Variants in DCLK2 observed in about 807,000 individuals in gnomAD.
The protein encoded by DCLK2 is serine/threonine-protein kinase DCLK2.
Under a neutral mutation model 78.4 loss-of-function variants are expected in DCLK2, and 31 were observed. The observed-to-expected ratio is 0.40, with a 90% CI of 0.30 to 0.53. DCLK2 has a LOEUF of 0.53. Ranked by LOEUF, DCLK2 falls within the 20% of genes least tolerant of loss-of-function variation. The pLI is 0.61. For synonymous variants in DCLK2, 407 were observed against 374.9 expected, an observed-to-expected ratio of 1.09 and a Z score of -0.99; for missense variants, 872 against 973.7, an observed-to-expected ratio of 0.90 and a Z score of 1.39.
chr4:150,149,245 A>G (rs1734716172), intron 2 of DCLK2, among the ~76,000 whole-genome samples: 1 of 152,100 alleles, frequency 6.6e-6, no homozygotes. Context: ...TTTAGTAATT[A>G]TGGAGCTTTT....
chr4:150,242,308 G>C (rs1178106347), intron 12 of DCLK2, among the ~76,000 whole-genome samples: 1 of 152,202 alleles, frequency 6.6e-6, no homozygotes, highest in Non-Finnish European at 1.5e-5. Context: ...GAAAGATGTA[G>C]CATTTGAGTG....
chr4:150,142,833 A>G (rs4292314), intron 2 of DCLK2, among the ~76,000 whole-genome samples: 3 of 150,398 alleles, frequency 2.0e-5, no homozygotes, highest in Non-Finnish European at 4.4e-5. Context: ...TTTTAGACTC[A>G]GGAGGAACAT....
At chr4:150,176,210 G>T (rs755984724) in intron 2 of DCLK2, among the ~76,000 whole-genome samples, 2 of 152,010 alleles carry the variant, frequency 1.3e-5, no homozygotes, top group South Asian at 4.2e-4. Flanking sequence ...CTGTCCTTCC[G>T]CCATGAATCT....
chr4:150,085,867 G>A (rs13105443), intron 1 of DCLK2, among the ~76,000 whole-genome samples: 51,749 of 152,002 alleles, frequency 0.34, 9,181 homozygotes, highest in East Asian at 0.42. Flanking sequence ...TTGTTATAGC[G>A]ACTTGAACGG....
At chr4:150,204,550 G>A (rs1278406666) in intron 5 of DCLK2, among the ~76,000 whole-genome samples, 1 of 152,114 alleles carries the variant, frequency 6.6e-6, no homozygotes, top group Admixed American at 6.5e-5. Context: ...TTTAAATTTA[G>A]AAGAGAAAAT....
At chr4:150,099,328 G>T (rs1160142254) in intron 1 of DCLK2, among the ~76,000 whole-genome samples, 1 of 152,218 alleles carries the variant, frequency 6.6e-6, no homozygotes, top group African/African-American at 2.4e-5. Context: ...CAAAGGGCTG[G>T]GATTACAGGC....
chr4:150,133,706 T>G (rs1236283529), intron 2 of DCLK2, among the ~76,000 whole-genome samples: 1 of 152,176 alleles, frequency 6.6e-6, no homozygotes, highest in Non-Finnish European at 1.5e-5. Flanking sequence ...GAACAAGGTG[T>G]TGTGGGTTTG....
intron 15 of DCLK2, among the ~76,000 whole-genome samples, chr4:150,251,686 C>T (rs1452289651): frequency 1.2e-5 from 1 of 81,048 alleles, no homozygotes; most frequent in Non-Finnish European, 2.6e-5. Context: ...ATGCATTGAG[C>T]ATACACCAGG....
intron 15 of DCLK2, among the ~76,000 whole-genome samples, chr4:150,252,238 T>C (rs1461750378): frequency 1.3e-5 from 2 of 152,226 alleles, no homozygotes; most frequent in Non-Finnish European, 2.9e-5. Context: ...AGTCTTGCTG[T>C]GCACTGCGTT....
intron 15 of DCLK2, chr4:150,253,865 C>CTTA: frequency 1.0e-6 from 1 of 985,482 alleles, no homozygotes; most frequent in Non-Finnish European, 1.2e-6. Flanking sequence ...GAAAGAGCAG[C>CTTA]TTAAGATGGT....
chr4:150,102,937 T>C (rs1055712355), intron 2 of DCLK2, 125 bp downstream of exon 2: 7 of 848,992 alleles, frequency 8.2e-6, no homozygotes, highest in African/African-American at 5.6e-5. Context: ...ATACTTGAGA[T>C]TGTGTGTGTG....
chr4:150,118,924 C>G (rs1432832270), intron 2 of DCLK2, among the ~76,000 whole-genome samples: 1 of 152,056 alleles, frequency 6.6e-6, no homozygotes. Flanking sequence ...ACTTGGGAGG[C>G]TGAGGCAGGA....
chr4:150,181,311 C>A (rs1001709974), intron 2 of DCLK2, among the ~76,000 whole-genome samples: 6 of 152,036 alleles, frequency 3.9e-5, no homozygotes, highest in African/African-American at 1.4e-4. Context: ...TGGAAAGCTC[C>A]AGAGTGGGTT....
In DCLK2 at chr4:150,231,351, C is replaced by T. The variant is rs187023625; in HGVS notation, c.1300-986C>T. 1.9e-3 allele frequency among the ~76,000 whole-genome samples: 289 copies of T among 152,298 alleles called. 3 individuals are homozygous for T. The highest frequency in any genetic ancestry group is 2.8e-3 in the Non-Finnish European group (188 of 68,016). On this transcript the variant is annotated intron_variant, in intron 8 of 15. Coordinates refer to ENST00000296550, the MANE Select transcript of DCLK2 (RefSeq NM_001040260.4). Reference sequence around the variant, plus strand: ...TATTGAGTGACTGCTTGGACAAGCACAGTGCATTCAGTGCTCAAGAAACAC... The same window carrying T: ...TATTGAGTGACTGCTTGGACAAGCATAGTGCATTCAGTGCTCAAGAAACAC...
intron 2 of DCLK2, among the ~76,000 whole-genome samples, chr4:150,134,877 G>A (rs1028655964): frequency 6.6e-6 from 1 of 151,824 alleles, no homozygotes; most frequent in Admixed American, 6.6e-5. Flanking sequence ...TTTATTCCTT[G>A]CAGTGTTCCA....
At chr4:150,136,134 G>A (rs930271629) in intron 2 of DCLK2, among the ~76,000 whole-genome samples, 2 of 152,216 alleles carry the variant, frequency 1.3e-5, no homozygotes, top group Non-Finnish European at 2.9e-5. Context: ...GAGGAATCTC[G>A]TGGAGGAAGG....
chr4:150,113,387 G>T (rs757847439), intron 2 of DCLK2, among the ~76,000 whole-genome samples: 150 of 152,086 alleles, frequency 9.9e-4, no homozygotes, highest in Non-Finnish European at 1.6e-3. Context: ...TTTTTTTGTT[G>T]TTGTTGGCAG....
chr4:150,255,117 C>CT (rs1385783629), intron 15 of DCLK2, among the ~76,000 whole-genome samples: 3 of 152,310 alleles, frequency 2.0e-5, no homozygotes, highest in Non-Finnish European at 2.9e-5. Context: ...TTTCTCCAGA[C>CT]TTTTTTTGTT....
intron 3 of DCLK2, among the ~76,000 whole-genome samples, chr4:150,195,977 C>T (rs959568494): frequency 2.4e-4 from 37 of 152,160 alleles, no homozygotes; most frequent in African/African-American, 8.7e-4. Flanking sequence ...ACACCAACAC[C>T]ATTATGTGGT....
Sources: gnomAD v4.1 joint callset for allele counts (sites outside exome capture counted in the v4.1 genomes callset) on GRCh38, gnomAD v4.1.1 for gene constraint, MANE v1.5 for transcripts, NCBI Gene and HGNC (gene_info 2026-07-23, HGNC 2026-07-21) for gene names.